GLI1: variants seen among roughly 807,000 people sequenced by gnomAD.
GLI1 encodes the protein transcription activator GLI1.
A neutral mutation model predicts 87.8 loss-of-function variants in GLI1; 51 were observed. The ratio of observed to expected loss-of-function variants is 0.58; its 90% CI spans 0.46 to 0.73. The LOEUF is 0.73. GLI1 is among the 30% of genes least tolerant of loss of function. The pLI is 0.00. For missense variants in GLI1, 1,292 were observed against 1,437.2 expected (o/e 0.90, Z 1.63); for synonymous variants, 528 against 558.2 (o/e 0.95, Z 0.76).
intron 5 of GLI1, 149 bp from the exon 6 acceptor site, chr12:57,465,458 C>G (rs1871414285): frequency 2.6e-6 from 2 of 755,304 alleles, no homozygotes; most frequent in East Asian, 5.4e-5. Context: ...ATCCCATTCA[C>G]CAGTGTAGTC....
At chr12:57,470,197 A>T in intron 11 of GLI1, 120 bp from the exon 12 acceptor site, 1 of 736,564 alleles carries the variant, frequency 1.4e-6, no homozygotes, top group Non-Finnish European at 2.3e-6. Context: ...GACAGAACAG[A>T]CTGGTTAGGG....
intron 8 of GLI1, among the ~76,000 whole-genome samples, 170 bp downstream of exon 8, chr12:57,466,559 T>C (rs1005340663): frequency 1.3e-5 from 2 of 152,138 alleles, no homozygotes; most frequent in South Asian, 4.1e-4. Flanking sequence ...ATGATATATA[T>C]TAAAACACTC....
intron 1 of GLI1, among the ~76,000 whole-genome samples, chr12:57,462,907 C>T (rs1233785775): frequency 1.3e-5 from 2 of 152,214 alleles, no homozygotes; most frequent in Admixed American, 6.5e-5. Flanking sequence ...GAAGGGGGAA[C>T]GGGCTCTAGC....
Position 57,470,465 on chromosome 12 carries a change from A to T in GLI1, c.1725A>T (p.Ala575=). Residue 575 remains alanine, a synonymous_variant, in exon 12 of 12, where the codon GCA becomes GCT. Transcript: ENST00000228682. The part of the protein sequence containing the change: ...FPPGSPPENG[A]SSLPGLMPAQ... Reference sequence around the variant, plus strand: ...CTGGCTCCCCACCAGAGAATGGAGCATCCTCCCTGCCTGGCCTTATGCCTG... The same window carrying T: ...CTGGCTCCCCACCAGAGAATGGAGCTTCCTCCCTGCCTGGCCTTATGCCTG... 1 of 1,614,130 alleles carries T rather than the reference A, an allele frequency of 6.2e-7. No individual in the cohort carries two copies. Among genetic ancestry groups the T allele is most frequent in the South Asian group, 1.1e-5 (1 of 91,082 alleles).
rs370413110 is a variant in GLI1 at position 57,471,709 on chromosome 12, G to A, written c.2969G>A (p.Arg990Gln). The A allele has an allele frequency of 1.0e-5, 16 of 1,588,186 alleles. No individual in the cohort carries two copies. The highest frequency in any genetic ancestry group is 1.7e-4 in the Middle Eastern group (1 of 5,932). Residue 990 changes from arginine to glutamine, a missense_variant, in exon 12 of 12, where the codon CGA (arginine) becomes CAA (glutamine). Arg to Gln is a conservative substitution (Grantham distance 43). This residue lies in a region of GLI1 where 897 missense variants were observed against 1,040.7 expected (regional missense o/e 0.86). Coordinates refer to ENST00000228682, the MANE Select transcript of GLI1 (RefSeq NM_005269.3). The surrounding 1 kb of genome is among the most constrained non-coding windows in gnomAD (Gnocchi z 4.9). ...TCACATAGGGCAGCAGCACCACCTC[G>A]ACTTCTGCCCCCATTGCCCACTTGC... Reference protein sequence around the residue: ...RASHRAAAPPRLLPPLPTCYG... With the variant: ...RASHRAAAPPQLLPPLPTCYG...
rs1341947953 is a variant in GLI1, at chr12:57,463,690, C to T, written c.-2C>T. 5.6e-6 allele frequency: 9 copies of T among 1,598,452 alleles called. No homozygotes were observed. Among genetic ancestry groups the T allele is most frequent in the Non-Finnish European group, 7.7e-6 (9 of 1,166,946 alleles). On this transcript the variant is annotated 5_prime_UTR_variant, in exon 2 of 12. Coordinates refer to ENST00000228682, the MANE Select transcript of GLI1 (RefSeq NM_005269.3). Reference sequence around the variant, plus strand: ...TGTCCCCACACCCTCCTCTGAGACGCCATGTTCAACTCGATGACCCCACCA... The same window carrying T: ...TGTCCCCACACCCTCCTCTGAGACGTCATGTTCAACTCGATGACCCCACCA...
chr12:57,468,264 C>G (rs777633514), intron 10 of GLI1, 40 bp downstream of exon 10: 3 of 1,363,478 alleles, frequency 2.2e-6, no homozygotes, highest in African/African-American at 1.4e-5. Context: ...ATACCCCAGC[C>G]CACCCTGTGG....
In GLI1 at chr12:57,467,296, T is replaced by A. The variant is rs149755879; in HGVS notation, c.913-37T>A. 3.3e-4 allele frequency: 509 copies of A among 1,555,724 alleles called. 3 individuals are homozygous for A. In the African/African-American group the frequency reaches 5.6e-3, roughly 17 times the overall value. Reference sequence around the variant, plus strand: ...GTTCCTTCCATCTCCATGTCCTCTGTCTGAGAACTATCCTTTGACCCCTGC... The same window carrying A: ...GTTCCTTCCATCTCCATGTCCTCTGACTGAGAACTATCCTTTGACCCCTGC... On this transcript the variant is annotated intron_variant, in intron 8 of 11. Transcript: ENST00000228682.
rs770953450 is a variant in GLI1, at chr12:57,465,858, T to A, written c.695T>A (p.Val232Glu). The A allele has an allele frequency of 6.2e-7, 1 of 1,614,048 alleles. No individual in the cohort carries two copies. The highest frequency in any genetic ancestry group is 1.6e-4 in the Middle Eastern group (1 of 6,062). ...EREEKREPESVYETDCRWDGC... is the reference protein window; with the variant it reads ...EREEKREPESEYETDCRWDGC... ...GAGGAGAAGCGTGAGCCTGAATCTG[T>A]GTATGAAACTGACTGCCGTTGGGAT... Residue 232 changes from valine (V) to glutamate (E), a missense_variant, in exon 7 of 12, where the codon GTG (valine) becomes GAG (glutamate). Around this residue, in one of 3 missense-constraint regions of GLI1, gnomAD observed 383 missense variants for 368.4 expected, o/e 1.04. Transcript: ENST00000228682.
chr12:57,465,964 CT>C, intron 7 of GLI1, 39 bp downstream of exon 7: 1 of 1,590,714 alleles, frequency 6.3e-7, no homozygotes. Context: ...TAGCCAGAAC[CT>C]TTAGGAGATT....
chr12:57,467,372 C>T lies in GLI1; in HGVS notation c.952C>T (p.Leu318=), dbSNP rs1871562764. The stretch of plus-strand genomic sequence containing the variant: ...GAAGTCATACTCACGCCTCGAAAAC[C>T]TGAAGACGCACCTGCGGTCACACAC... ...CRKSYSRLEN[L]KTHLRSHTGE... is the part of the protein sequence containing the mutation. Residue 318 remains leucine (L), a synonymous_variant, in exon 9 of 12, where the codon CTG becomes TTG. Coordinates refer to ENST00000228682, the MANE Select transcript of GLI1 (RefSeq NM_005269.3). 1.9e-6 allele frequency: 3 copies of T among 1,612,028 alleles called. No individual in the cohort carries two copies. In the African/African-American group the frequency reaches 4.0e-5, roughly 22 times the overall value.
chr12:57,462,981 G>C (rs1399916213), intron 1 of GLI1, among the ~76,000 whole-genome samples: 1 of 152,150 alleles, frequency 6.6e-6, no homozygotes, highest in Non-Finnish European at 1.5e-5. Context: ...CCTCAAAGCC[G>C]GCCCAGGGTT....
chr12:57,469,609 G>T lies in GLI1; in HGVS notation c.1487G>T (p.Arg496Leu). The change falls in exon 11 of 12, where the codon CGC (arginine) becomes CTC (leucine). Residue 496 changes from arginine to leucine, a missense_variant. This residue lies in a region of GLI1 where 897 missense variants were observed against 1,040.7 expected (regional missense o/e 0.86). Coordinates refer to ENST00000228682, the MANE Select transcript of GLI1 (RefSeq NM_005269.3). Reference sequence around the variant, plus strand: ...GCTGGCACTGGTCTGTCCACTCTTCGCCGCCTTGAGAACCTCAGGCTGGAC... The same window carrying T: ...GCTGGCACTGGTCTGTCCACTCTTCTCCGCCTTGAGAACCTCAGGCTGGAC... ...CIAGTGLSTL[R>L]RLENLRLDQL... is the part of the protein sequence containing the mutation. 6.2e-7 allele frequency: 1 copy of T among 1,614,050 alleles called. No homozygotes were observed. Among genetic ancestry groups the T allele is most frequent in the African/African-American group, 1.3e-5 (1 of 75,016 alleles).
chr12:57,459,912 A>C lies in GLI1; in HGVS notation c.-317A>C, dbSNP rs1871012529. 1.3e-5 allele frequency among the ~76,000 whole-genome samples: 2 copies of C among 151,974 alleles called. 1 individual carries two copies. Among genetic ancestry groups the C allele is most frequent in the African/African-American group, 4.8e-5 (2 of 41,468 alleles). On this transcript the variant is annotated 5_prime_UTR_variant, in exon 1 of 12. Transcript: ENST00000228682. The stretch of plus-strand genomic sequence containing the variant: ...TCCTCCAGAACGGCAAGAGGGAGGG[A>C]AATAGAAGGGAGGTGAGGGGCGAGC...
In GLI1 at chr12:57,466,395, G is replaced by A. The variant is rs2139856944; in HGVS notation, c.912+6G>A. 1 of 1,607,290 alleles carries A rather than the reference G, an allele frequency of 6.2e-7. No individual in the cohort carries two copies. The stretch of plus-strand genomic sequence containing the variant: ...AGAAGCCACACAAGTGCACGGTGAG[G>A]CACCAGTGTCCCAAGTCCAGGGTCT... On this transcript the variant is annotated splice_donor_region_variant and intron_variant, in intron 8 of 11. Transcript: ENST00000228682.
Position 57,467,380 on chromosome 12 carries a change from G to C in GLI1, c.960G>C (p.Thr320=). 1 of 1,612,106 alleles carries C rather than the reference G, an allele frequency of 6.2e-7. No homozygotes were observed. The highest frequency in any genetic ancestry group is 8.5e-7 in the Non-Finnish European group (1 of 1,178,390). The change falls in exon 9 of 12, where the codon ACG becomes ACC. Residue 320 remains threonine, a synonymous_variant. Coordinates refer to ENST00000228682, the MANE Select transcript of GLI1 (RefSeq NM_005269.3). ...KSYSRLENLK[T]HLRSHTGEKP... The stretch of plus-strand genomic sequence containing the variant: ...ACTCACGCCTCGAAAACCTGAAGAC[G>C]CACCTGCGGTCACACACGGGTGAGA...
intron 1 of GLI1, among the ~76,000 whole-genome samples, chr12:57,463,307 T>C (rs1871262238): frequency 3.3e-5 from 5 of 152,158 alleles, no homozygotes; most frequent in Admixed American, 3.3e-4. Flanking sequence ...AACCTCCGCC[T>C]CCCAGGTTCA....
In GLI1 at chr12:57,464,130, C is replaced by T. The variant is rs1332727882; in HGVS notation, c.193+39C>T. The T allele has an allele frequency of 3.1e-6, 4 of 1,297,624 alleles. No homozygotes were observed. In the South Asian group the frequency reaches 3.5e-5, roughly 11 times the overall value. 80.4% of individuals were successfully genotyped at this position (1,297,624 alleles called of 1,614,324 possible). The stretch of plus-strand genomic sequence containing the variant: ...CAACACCTCTTCCCTTTCTGCCCCT[C>T]TCTGACTTGTTCTGAAAGAGAAAGT... On this transcript the variant is annotated intron_variant, in intron 3 of 11. Coordinates refer to ENST00000228682, the MANE Select transcript of GLI1 (RefSeq NM_005269.3).
intron 1 of GLI1, among the ~76,000 whole-genome samples, chr12:57,461,517 A>T (rs1871136284): frequency 6.6e-6 from 1 of 151,944 alleles, no homozygotes; most frequent in Non-Finnish European, 1.5e-5. Context: ...TCTCTCCCCT[A>T]TACTTTCTGG....
Sources: gnomAD v4.1 joint callset for allele counts (sites outside exome capture counted in the v4.1 genomes callset) on GRCh38, gnomAD v4.1.1 for gene constraint, gnomAD v4.1.1 regional missense constraint, Gnocchi (gnomAD v3.1) non-coding constraint, MANE v1.5 for transcripts, NCBI Gene and HGNC (gene_info 2026-07-23, HGNC 2026-07-21) for gene names.